VTI1A: variants seen among roughly 807,000 people sequenced by gnomAD.
The protein encoded by VTI1A is vesicle transport through interaction with t-SNAREs 1A.
Under a neutral mutation model 34.9 loss-of-function variants are expected in VTI1A, and 22 were observed. That is an observed-to-expected ratio of 0.63 (90% CI 0.45 to 0.90). The LOEUF is 0.90. VTI1A is among the 40% of genes least tolerant of loss of function. The probability of loss-of-function intolerance (pLI) is 0.00; values close to 1 mark genes in which losing one functional copy is unlikely to be tolerated. For synonymous variants in VTI1A, 87 were observed against 97.3 expected, an observed-to-expected ratio of 0.89 and a Z score of 0.62; for missense variants, 268 against 275.6, an observed-to-expected ratio of 0.97 and a Z score of 0.20.
intron 7 of VTI1A, among the ~76,000 whole-genome samples, chr10:112,703,293 C>A (rs565784059): frequency 1.3e-5 from 2 of 152,086 alleles, no homozygotes; most frequent in African/African-American, 4.8e-5. Context: ...CTGGGCCAGG[C>A]GCAGTGGCTC....
chr10:112,464,682 A>T (rs749447485), intron 3 of VTI1A, 25 bp downstream of exon 3: 1 of 1,594,820 alleles, frequency 6.3e-7, no homozygotes, highest in Non-Finnish European at 8.6e-7. Flanking sequence ...ACCCTTTGTC[A>T]TATTTACTTT....
intron 7 of VTI1A, among the ~76,000 whole-genome samples, chr10:112,776,116 G>T (rs1851949037): frequency 6.6e-6 from 1 of 152,154 alleles, no homozygotes; most frequent in Non-Finnish European, 1.5e-5. Flanking sequence ...AATAGAGCTG[G>T]AGCAACAAGT....
chr10:112,469,707 C>G (rs1589802358), intron 3 of VTI1A, among the ~76,000 whole-genome samples: 1 of 152,216 alleles, frequency 6.6e-6, no homozygotes, highest in East Asian at 1.9e-4. Flanking sequence ...TGGGCAACCT[C>G]TAAAATATCC....
Position 112,642,796 on chromosome 10 carries a change from C to T in VTI1A, c.428-25422C>T, listed in dbSNP as rs1478983869. ...CGAGCATAGGGAGAAGACCAAAACACCAAGCCTTGGGGTCTGTGCCATAAT... is the reference window on the plus strand; with the variant it reads ...CGAGCATAGGGAGAAGACCAAAACATCAAGCCTTGGGGTCTGTGCCATAAT... On this transcript the variant is annotated intron_variant, in intron 5 of 7. Coordinates refer to ENST00000393077, the MANE Select transcript of VTI1A (RefSeq NM_145206.4). 2.0e-5 allele frequency among the ~76,000 whole-genome samples: 3 copies of T among 152,116 alleles called. No individual in the cohort carries two copies. The East Asian group carries it at 5.8e-4, about 29-fold the overall frequency.
chr10:112,635,161 A>G (rs183746301), intron 5 of VTI1A, among the ~76,000 whole-genome samples: 26 of 152,334 alleles, frequency 1.7e-4, no homozygotes, highest in African/African-American at 5.8e-4. Context: ...GGGGGGAATA[A>G]AAGATAACAC....
chr10:112,716,962 T>C lies in VTI1A; in HGVS notation c.560+47964T>C, dbSNP rs915510641. ...GTTCCCCACCACCCCAAGAGCCCCTTGCCATGAATGCTGCCAGGGCCACCC... is the reference window on the plus strand; with the variant it reads ...GTTCCCCACCACCCCAAGAGCCCCTCGCCATGAATGCTGCCAGGGCCACCC... On this transcript the variant is annotated intron_variant, in intron 7 of 7. Coordinates refer to ENST00000393077, the MANE Select transcript of VTI1A (RefSeq NM_145206.4). Among the ~76,000 whole-genome samples, 9 of 152,256 alleles carry C rather than the reference T, an allele frequency of 5.9e-5. No individual in the cohort carries two copies. In the South Asian group the frequency reaches 1.9e-3, roughly 32 times the overall value.
intron 7 of VTI1A, among the ~76,000 whole-genome samples, chr10:112,720,095 A>G (rs966784520): frequency 2.0e-4 from 30 of 152,186 alleles, no homozygotes; most frequent in Non-Finnish European, 7.3e-5. Flanking sequence ...CATAAATTTT[A>G]TTTGTCCATT....
chr10:112,845,533 C>G, the VTI1A span, among the ~76,000 whole-genome samples: 1 of 152,204 alleles, frequency 6.6e-6, no homozygotes, highest in Non-Finnish European at 1.5e-5. Flanking sequence ...GACCCTCTCC[C>G]CGGGAGGAAA....
At chr10:112,663,291 A>G (rs1022574229) in intron 5 of VTI1A, among the ~76,000 whole-genome samples, 4 of 152,204 alleles carry the variant, frequency 2.6e-5, no homozygotes, top group Non-Finnish European at 5.9e-5. Context: ...CAGAGCAGGT[A>G]CTTGCCCTAT....
intron 2 of VTI1A, among the ~76,000 whole-genome samples, chr10:112,461,572 A>G (rs536828653): frequency 6.6e-6 from 1 of 152,308 alleles, no homozygotes; most frequent in Admixed American, 6.5e-5. Flanking sequence ...TTCATCTACT[A>G]CTTTTTTATA....
chr10:112,563,328 T>C (rs1851794385), intron 5 of VTI1A, among the ~76,000 whole-genome samples: 1 of 152,190 alleles, frequency 6.6e-6, no homozygotes, highest in African/African-American at 2.4e-5. Context: ...ACCCACATAG[T>C]ACTAAGTTCA....
At chr10:112,813,515 G>T (rs1392963076) in intron 7 of VTI1A, among the ~76,000 whole-genome samples, 1 of 152,196 alleles carries the variant, frequency 6.6e-6, no homozygotes, top group South Asian at 2.1e-4. Flanking sequence ...ACAGTGACTT[G>T]GGCAAATGGG....
intron 7 of VTI1A, among the ~76,000 whole-genome samples, chr10:112,746,329 C>T (rs928829740): frequency 5.3e-5 from 8 of 152,166 alleles, no homozygotes; most frequent in Admixed American, 2.6e-4. Flanking sequence ...CCTGGTGTCC[C>T]TAAGAGTCAC....
intron 5 of VTI1A, among the ~76,000 whole-genome samples, chr10:112,651,291 C>A (rs1847006093): frequency 6.6e-6 from 1 of 152,162 alleles, no homozygotes; most frequent in South Asian, 2.1e-4. Context: ...ATATTGCCAT[C>A]ATCTCTCTTA....
At chr10:112,778,546 C>T (rs1197114962) in intron 7 of VTI1A, among the ~76,000 whole-genome samples, 1 of 152,114 alleles carries the variant, frequency 6.6e-6, no homozygotes, top group Non-Finnish European at 1.5e-5. Flanking sequence ...AGAGCTTTTC[C>T]TGTTCACTCT....
chr10:112,683,616 G>A (rs936487551), intron 7 of VTI1A, among the ~76,000 whole-genome samples: 1 of 151,984 alleles, frequency 6.6e-6, no homozygotes, highest in Non-Finnish European at 1.5e-5. Flanking sequence ...CAATCTTTCA[G>A]TCATGTTTCA....
intron 7 of VTI1A, among the ~76,000 whole-genome samples, chr10:112,728,195 C>A (rs1381901495): frequency 6.6e-6 from 1 of 152,070 alleles, no homozygotes; most frequent in Non-Finnish European, 1.5e-5. Flanking sequence ...TCCCCCCACC[C>A]CCCTCAAAAT....
intron 5 of VTI1A, among the ~76,000 whole-genome samples, chr10:112,651,919 A>G (rs1477299889): frequency 6.6e-6 from 1 of 152,210 alleles, no homozygotes; most frequent in Non-Finnish European, 1.5e-5. Context: ...CTTCCGCAGA[A>G]CGTTAGCCTC....
At chr10:112,535,189 G>A (rs935221180) in intron 4 of VTI1A, among the ~76,000 whole-genome samples, 1 of 152,274 alleles carries the variant, frequency 6.6e-6, no homozygotes, top group African/African-American at 2.4e-5. Flanking sequence ...TTCTGAAACT[G>A]TAACATGTAA....
Sources: allele counts gnomAD v4.1 joint callset (sites outside exome capture counted in the v4.1 genomes callset), GRCh38; gene constraint gnomAD v4.1.1; transcripts MANE v1.5; gene names NCBI Gene and HGNC (gene_info 2026-07-23, HGNC 2026-07-21).